The following RPS6KC1 variants were observed in gnomAD, a reference collection of about 807,000 sequenced individuals.
RPS6KC1 encodes ribosomal protein S6 kinase C1.
RPS6KC1 carries 54 observed loss-of-function variants against 103.8 expected under a neutral mutation model. That is an observed-to-expected ratio of 0.52 (90% confidence interval 0.42 to 0.65). The LOEUF is 0.65. RPS6KC1 is among the 30% of genes least tolerant of loss of function. The pLI, the probability that RPS6KC1 is intolerant of heterozygous loss-of-function variation, is 0.00. For missense variants in RPS6KC1, 1,151 were observed against 1,253.8 expected (o/e 0.92, Z 1.24); for synonymous variants, 439 against 438.7 (o/e 1.00, Z -0.01).
chr1:213,692,975 A>G, the RPS6KC1 span, among the ~76,000 whole-genome samples: 1 of 152,132 alleles, frequency 6.6e-6, no homozygotes, highest in Admixed American at 6.5e-5. Context: ...CTGTAATACT[A>G]GTTCCTGGGC....
the RPS6KC1 span, among the ~76,000 whole-genome samples, chr1:213,554,270 A>G: frequency 6.6e-6 from 1 of 152,116 alleles, no homozygotes; most frequent in East Asian, 1.9e-4. Flanking sequence ...AGCACCATTT[A>G]TTGAATAGGG....
chr1:213,798,646 G>C, the RPS6KC1 span, among the ~76,000 whole-genome samples: 1 of 152,340 alleles, frequency 6.6e-6, no homozygotes, highest in South Asian at 2.1e-4. Context: ...TTGGGCAGAA[G>C]AGGAGAAGCT....
the RPS6KC1 span, among the ~76,000 whole-genome samples, chr1:213,798,724 C>T: frequency 6.6e-6 from 1 of 152,182 alleles, no homozygotes; most frequent in Non-Finnish European, 1.5e-5. Context: ...GAAATTTCAG[C>T]AGTTCTGCAG....
chr1:213,190,333 A>G (rs971786009), intron 8 of RPS6KC1, among the ~76,000 whole-genome samples: 6 of 151,820 alleles, frequency 4.0e-5, no homozygotes, highest in Admixed American at 3.9e-4. Context: ...TGACTTTTGG[A>G]TAAAGGCCAT....
At chr1:213,518,355 A>G in the RPS6KC1 span, among the ~76,000 whole-genome samples, 1 of 152,216 alleles carries the variant, frequency 6.6e-6, no homozygotes, top group Non-Finnish European at 1.5e-5. Flanking sequence ...TCATCTTCAT[A>G]AGAGACAGAA....
chr1:213,563,380 G>A, the RPS6KC1 span, among the ~76,000 whole-genome samples: 1 of 151,686 alleles, frequency 6.6e-6, no homozygotes, highest in Non-Finnish European at 1.5e-5. Flanking sequence ...TTATATATCT[G>A]ATTTTTTAAA....
At chr1:213,078,441 A>G (rs2148535598) in intron 3 of RPS6KC1, among the ~76,000 whole-genome samples, 1 of 152,186 alleles carries the variant, frequency 6.6e-6, no homozygotes, top group South Asian at 2.1e-4. Context: ...TCATTCTGTC[A>G]CCTAGGCTGG....
At chr1:213,423,229 G>C in the RPS6KC1 span, among the ~76,000 whole-genome samples, 24 of 152,310 alleles carry the variant, frequency 1.6e-4, no homozygotes, top group African/African-American at 5.8e-4. Flanking sequence ...CTTCCTCTGA[G>C]CCCTGGATGC....
At chr1:213,830,689 A>C in the RPS6KC1 span, among the ~76,000 whole-genome samples, 3 of 152,010 alleles carry the variant, frequency 2.0e-5, no homozygotes, top group African/African-American at 7.2e-5. Context: ...AAAAAAAAAA[A>C]AACTCTCAAA....
chr1:213,305,026 T>C, the RPS6KC1 span, among the ~76,000 whole-genome samples: 1 of 152,222 alleles, frequency 6.6e-6, no homozygotes, highest in Admixed American at 6.5e-5. Context: ...ATTTTTGCTC[T>C]TACAAGTAAT....
the RPS6KC1 span, among the ~76,000 whole-genome samples, chr1:213,443,009 C>T: frequency 6.6e-6 from 1 of 151,284 alleles, no homozygotes; most frequent in Admixed American, 6.6e-5. Flanking sequence ...GTCTCTTTAT[C>T]CTCCTGGTAG....
the RPS6KC1 span, among the ~76,000 whole-genome samples, chr1:213,572,166 A>G: frequency 6.6e-6 from 1 of 152,236 alleles, no homozygotes; most frequent in Admixed American, 6.5e-5. Flanking sequence ...ATGGGCAGAC[A>G]TAGCTGCCTG....
the RPS6KC1 span, among the ~76,000 whole-genome samples, chr1:213,774,164 A>G: frequency 6.6e-6 from 1 of 152,234 alleles, no homozygotes; most frequent in Admixed American, 6.5e-5. Flanking sequence ...TCTTCTAGAA[A>G]TAATTTACTG....
rs1187418558 is a variant in RPS6KC1, at chr1:213,081,521, A to G, written c.262+3705A>G. The stretch of plus-strand genomic sequence containing the variant: ...TTTCAACATGAGACTTGATGGGGTC[A>G]GACACACCATATCCAAACCATAGCA... On this transcript the variant is annotated intron_variant, in intron 3 of 14. Coordinates refer to ENST00000366960, the MANE Select transcript of RPS6KC1 (RefSeq NM_012424.6). Among the ~76,000 whole-genome samples the G allele has an allele frequency of 1.9e-4, 29 of 152,142 alleles. 1 individual carries two copies. The highest frequency in any genetic ancestry group is 1.9e-3 in the Admixed American group (29 of 15,274).
intron 6 of RPS6KC1, among the ~76,000 whole-genome samples, chr1:213,163,404 A>G (rs941604574): frequency 3.3e-5 from 5 of 152,250 alleles, no homozygotes; most frequent in Non-Finnish European, 7.3e-5. Flanking sequence ...TGTGGGGATT[A>G]ACTTCTGTGC....
the RPS6KC1 span, among the ~76,000 whole-genome samples, chr1:213,723,491 G>A: frequency 1.3e-5 from 2 of 152,058 alleles, no homozygotes; most frequent in South Asian, 4.1e-4. Context: ...TGGTATATGG[G>A]TGTTTCCTAA....
chr1:213,784,385 C>A, the RPS6KC1 span, among the ~76,000 whole-genome samples: 2 of 152,178 alleles, frequency 1.3e-5, no homozygotes, highest in Non-Finnish European at 2.9e-5. Flanking sequence ...TAGAGATTAC[C>A]CAATCCAGTG....
intron 12 of RPS6KC1, among the ~76,000 whole-genome samples, chr1:213,246,014 A>G (rs1299414379): frequency 6.6e-6 from 1 of 152,170 alleles, no homozygotes; most frequent in African/African-American, 2.4e-5. Flanking sequence ...TATTAAAGAA[A>G]ACAAATCCAA....
At chr1:213,170,750 A>C (rs2091413152) in intron 7 of RPS6KC1, among the ~76,000 whole-genome samples, 2 of 152,192 alleles carry the variant, frequency 1.3e-5, no homozygotes, top group African/African-American at 4.8e-5. Flanking sequence ...CTTTTTGGCC[A>C]AGAGCATCCT....
Sources: allele counts gnomAD v4.1 joint callset (sites outside exome capture counted in the v4.1 genomes callset), GRCh38; gene constraint gnomAD v4.1.1; transcripts MANE v1.5; gene names NCBI Gene and HGNC (gene_info 2026-07-23, HGNC 2026-07-21).